The following NRG3 variants were observed in gnomAD, a reference collection of about 807,000 sequenced individuals.
NRG3 encodes the protein neuregulin 3.
In NRG3, 31 loss-of-function variants were observed where a neutral mutation model predicts 66.9. The ratio of observed to expected loss-of-function variants is 0.46; its 90% confidence interval spans 0.35 to 0.63. The LOEUF (loss-of-function observed/expected upper bound fraction) is 0.63, where lower values mean the gene tolerates loss of function less well. NRG3 is among the 20% of genes least tolerant of loss of function. The pLI is 0.00. For missense variants in NRG3, 910 were observed against 878.9 expected (o/e 1.04, Z -0.45); for synonymous variants, 393 against 359.4 (o/e 1.09, Z -1.06).
chr10:81,919,701 TGAG>T (rs1846069099), intron 1 of NRG3, among the ~76,000 whole-genome samples: 1 of 151,984 alleles, frequency 6.6e-6, no homozygotes. Context: ...GATTAGATAT[TGAG>T]GAGATTTTGG....
chr10:82,136,904 C>T (rs992665334), intron 1 of NRG3, among the ~76,000 whole-genome samples: 2 of 152,202 alleles, frequency 1.3e-5, no homozygotes, highest in African/African-American at 4.8e-5. Flanking sequence ...CACATAGATT[C>T]TTCATACCAC....
intron 1 of NRG3, among the ~76,000 whole-genome samples, chr10:82,011,634 T>C (rs2144473): frequency 0.96 from 146,946 of 152,280 alleles, 70,934 homozygotes; most frequent in East Asian, 1. Context: ...GAAACAATGG[T>C]GGTGCAGGCA....
intron 2 of NRG3, among the ~76,000 whole-genome samples, chr10:82,679,146 G>T (rs2053931083): frequency 6.6e-6 from 1 of 152,168 alleles, no homozygotes; most frequent in South Asian, 2.1e-4. Flanking sequence ...CCATTGTGCT[G>T]TCTTGTACAT....
intron 3 of NRG3, among the ~76,000 whole-genome samples, chr10:82,790,100 C>T (rs1019624066): frequency 2.0e-5 from 3 of 152,000 alleles, no homozygotes; most frequent in African/African-American, 7.2e-5. Context: ...CTTAATGTAG[C>T]TGCCCTTTAA....
chr10:82,027,802 C>T (rs1264146506), intron 1 of NRG3, among the ~76,000 whole-genome samples: 1 of 152,006 alleles, frequency 6.6e-6, no homozygotes, highest in Non-Finnish European at 1.5e-5. Context: ...GATAGAGGCT[C>T]CAACCAAATA....
intron 1 of NRG3, among the ~76,000 whole-genome samples, chr10:81,987,688 T>G (rs2060578844): frequency 6.6e-6 from 1 of 152,206 alleles, no homozygotes; most frequent in South Asian, 2.1e-4. Flanking sequence ...GAGTTACAAT[T>G]GAGAGAGCAA....
rs138007937 is a variant in NRG3, at chr10:82,528,613, G to A, written c.953+169745G>A. Among the ~76,000 whole-genome samples, 87 of 152,144 alleles carry A rather than the reference G, an allele frequency of 5.7e-4. 1 individual carries two copies. Among genetic ancestry groups the A allele is most frequent in the African/African-American group, 1.9e-3 (80 of 41,506 alleles). On this transcript the variant is annotated intron_variant, in intron 2 of 8. Coordinates refer to ENST00000372141, the MANE Select transcript of NRG3 (RefSeq NM_001010848.4). ...AGCCAGTGTCTTTCTCTGCTGTCTC[G>A]GAGACAGAGTTTGCTATTAAGGATT...
rs140044095 is a variant in NRG3 at position 82,763,903 on chromosome 10, A to T, written c.1027+25253A>T. Among the ~76,000 whole-genome samples, 6 of 152,362 alleles carry T rather than the reference A, an allele frequency of 3.9e-5. No individual in the cohort carries two copies. The East Asian group carries it at 1.2e-3, about 29-fold the overall frequency. The stretch of plus-strand genomic sequence containing the variant: ...ACTTTTTAATTTTTATTAGATGTTG[A>T]CATGATAATATTTGGACATATTGAA... On this transcript the variant is annotated intron_variant, in intron 3 of 8. Coordinates refer to ENST00000372141, the MANE Select transcript of NRG3 (RefSeq NM_001010848.4).
At chr10:82,453,389 A>C (rs2091112054) in intron 2 of NRG3, among the ~76,000 whole-genome samples, 4 of 152,146 alleles carry the variant, frequency 2.6e-5, no homozygotes, top group Admixed American at 2.0e-4. Context: ...TATGAAGTCA[A>C]ATCTTACAGA....
At chr10:81,972,724 CTT>C (rs2059976907) in intron 1 of NRG3, among the ~76,000 whole-genome samples, 1 of 151,850 alleles carries the variant, frequency 6.6e-6, no homozygotes, top group Non-Finnish European at 1.5e-5. Context: ...AATTGTAACT[CTT>C]AATGAAGAGA....
At chr10:82,706,288 T>A (rs2056281951) in intron 2 of NRG3, among the ~76,000 whole-genome samples, 2 of 152,142 alleles carry the variant, frequency 1.3e-5, no homozygotes, top group Admixed American at 1.3e-4. Flanking sequence ...CAGGGAGACG[T>A]GTGAAATTTG....
At chr10:82,213,624 A>G (rs982246295) in intron 1 of NRG3, among the ~76,000 whole-genome samples, 7 of 152,192 alleles carry the variant, frequency 4.6e-5, no homozygotes, top group Admixed American at 1.3e-4. Context: ...GCTAATCTAT[A>G]ATATACTATA....
At chr10:82,615,436 G>T (rs1169136067) in intron 2 of NRG3, among the ~76,000 whole-genome samples, 2 of 151,764 alleles carry the variant, frequency 1.3e-5, no homozygotes, top group African/African-American at 4.8e-5. Context: ...TCACCTATAG[G>T]CTATTGGATA....
intron 1 of NRG3, among the ~76,000 whole-genome samples, chr10:82,097,915 C>T (rs879351603): frequency 6.6e-6 from 1 of 151,884 alleles, no homozygotes; most frequent in Non-Finnish European, 1.5e-5. Context: ...TTGATAAAGT[C>T]TCTGTTTGGG....
intron 1 of NRG3, among the ~76,000 whole-genome samples, chr10:82,264,130 G>A (rs2078174871): frequency 6.6e-6 from 1 of 152,124 alleles, no homozygotes; most frequent in Admixed American, 6.5e-5. Flanking sequence ...AATAGGGGCT[G>A]GAGTTAAAAA....
chr10:82,341,432 A>G (rs2082682617), intron 1 of NRG3, among the ~76,000 whole-genome samples: 1 of 152,116 alleles, frequency 6.6e-6, no homozygotes, highest in African/African-American at 2.4e-5. Context: ...TCCATAGTTC[A>G]GTTTCATTTC....
At chr10:82,794,301 G>A (rs187110324) in intron 3 of NRG3, among the ~76,000 whole-genome samples, 6 of 152,174 alleles carry the variant, frequency 3.9e-5, no homozygotes, top group Middle Eastern at 3.4e-3. Context: ...ATCAGTTTTA[G>A]TATCAGACTA....
chr10:82,149,358 T>C (rs1480323118), intron 1 of NRG3, among the ~76,000 whole-genome samples: 2 of 152,110 alleles, frequency 1.3e-5, no homozygotes, highest in Admixed American at 6.6e-5. Context: ...AAATAAGAAT[T>C]AAAAAGTTAA....
chr10:81,971,582 AG>A (rs1296352015), intron 1 of NRG3, among the ~76,000 whole-genome samples: 35 of 152,214 alleles, frequency 2.3e-4, no homozygotes, highest in African/African-American at 8.0e-4. Flanking sequence ...TATGAAGCAA[AG>A]GTTTTCAAGA....
Sources: allele counts gnomAD v4.1 joint callset (sites outside exome capture counted in the v4.1 genomes callset), GRCh38; gene constraint gnomAD v4.1.1; transcripts MANE v1.5; gene names NCBI Gene and HGNC (gene_info 2026-07-23, HGNC 2026-07-21).